Variants in LRRC37A2 observed in about 807,000 individuals in gnomAD.
LRRC37A2 encodes the protein leucine-rich repeat-containing protein 37A2.
Under a neutral mutation model 68.8 loss-of-function variants are expected in LRRC37A2, and 9 were observed. The ratio of observed to expected loss-of-function variants is 0.13; its 90% CI spans 0.08 to 0.23. LRRC37A2 has a LOEUF of 0.23. Ranked by LOEUF, LRRC37A2 falls within the 10% of genes least tolerant of loss-of-function variation. The probability of loss-of-function intolerance (pLI) is 1.00; values close to 1 mark genes in which losing one functional copy is unlikely to be tolerated. For synonymous variants in LRRC37A2, 63 were observed against 367.6 expected, an observed-to-expected ratio of 0.17 and a Z score of 9.48; for missense variants, 168 against 950.4, an observed-to-expected ratio of 0.18 and a Z score of 10.82.
the LRRC37A2 span, among the ~76,000 whole-genome samples, chr17:46,866,900 G>A: frequency 1.3e-5 from 2 of 152,192 alleles, no homozygotes; most frequent in African/African-American, 2.4e-5. Context: ...CTTAGGTGAT[G>A]AGAAAAGCTC....
the LRRC37A2 span, among the ~76,000 whole-genome samples, chr17:46,718,739 A>C: frequency 6.6e-6 from 1 of 152,232 alleles, no homozygotes; most frequent in Non-Finnish European, 1.5e-5. Context: ...AAATGAAGAT[A>C]ATATTAATAG....
the LRRC37A2 span, among the ~76,000 whole-genome samples, chr17:46,635,821 TC>T: frequency 6.6e-5 from 2 of 30,232 alleles, no homozygotes; most frequent in South Asian, 1.2e-3. Flanking sequence ...GTGTGTGTGC[TC>T]GTGTGTGAAG....
At chr17:46,857,417 G>A in the LRRC37A2 span, among the ~76,000 whole-genome samples, 1 of 148,404 alleles carries the variant, frequency 6.7e-6, no homozygotes, top group South Asian at 2.1e-4. Context: ...AGAGGTTGCA[G>A]TGAGCCAAGA....
At chr17:46,916,748 C>G in the LRRC37A2 span, 1 of 152,228 alleles carries the variant, frequency 6.6e-6, no homozygotes, top group African/African-American at 2.4e-5. Flanking sequence ...TAGAATACCA[C>G]ACACTGGGTA....
the LRRC37A2 span, chr17:46,818,677 A>T: frequency 7.5e-7 from 1 of 1,337,130 alleles, no homozygotes; most frequent in Non-Finnish European, 1.1e-6. Flanking sequence ...AACAAAGTCC[A>T]CTTGAGATTG....
chr17:46,910,772 G>A, the LRRC37A2 span, among the ~76,000 whole-genome samples: 1 of 152,216 alleles, frequency 6.6e-6, no homozygotes, highest in Non-Finnish European at 1.5e-5. Context: ...CAGGGAGCCA[G>A]CAAAGGCACA....
chr17:46,822,918 A>C, the LRRC37A2 span, among the ~76,000 whole-genome samples: 2 of 151,440 alleles, frequency 1.3e-5, no homozygotes, highest in Non-Finnish European at 2.9e-5. Context: ...CGCTGTGGGC[A>C]CCTGAGAGGT....
At chr17:46,735,838 G>A in the LRRC37A2 span, among the ~76,000 whole-genome samples, 1 of 152,072 alleles carries the variant, frequency 6.6e-6, no homozygotes, top group East Asian at 1.9e-4. Context: ...CCAGCGACTC[G>A]GGAAGCTGAG....
the LRRC37A2 span, among the ~76,000 whole-genome samples, chr17:46,791,219 T>C: frequency 6.7e-6 from 1 of 149,206 alleles, no homozygotes; most frequent in African/African-American, 2.5e-5. Flanking sequence ...TCCTTACTCT[T>C]TTTTTTTTTT....
the LRRC37A2 span, among the ~76,000 whole-genome samples, chr17:46,792,282 T>C: frequency 6.6e-6 from 1 of 152,084 alleles, no homozygotes; most frequent in Non-Finnish European, 1.5e-5. Flanking sequence ...GAGCACCTTT[T>C]TGGGGACACT....
At chr17:47,002,313 G>A in the LRRC37A2 span, among the ~76,000 whole-genome samples, 1 of 151,968 alleles carries the variant, frequency 6.6e-6, no homozygotes, top group Non-Finnish European at 1.5e-5. Flanking sequence ...GGAAAGTGGG[G>A]TATCCAGCCC....
the LRRC37A2 span, among the ~76,000 whole-genome samples, chr17:46,989,993 C>T: frequency 2.6e-5 from 4 of 152,168 alleles, no homozygotes; most frequent in Non-Finnish European, 5.9e-5. Flanking sequence ...TAAGCCATTC[C>T]GTTTTGGGGT....
At chr17:46,829,534 C>G in the LRRC37A2 span, among the ~76,000 whole-genome samples, 3 of 152,174 alleles carry the variant, frequency 2.0e-5, no homozygotes, top group Non-Finnish European at 4.4e-5. Flanking sequence ...CCCCTCTGCC[C>G]TTCATTCTCA....
chr17:46,491,115 T>A, the LRRC37A2 span, among the ~76,000 whole-genome samples: 2 of 150,910 alleles, frequency 1.3e-5, no homozygotes, highest in African/African-American at 5.0e-5. Context: ...CAGGCTGGTG[T>A]CGAACTCCTG....
chr17:46,872,554 T>C, the LRRC37A2 span: 1 of 1,582,742 alleles, frequency 6.3e-7, no homozygotes, highest in Non-Finnish European at 8.6e-7. Context: ...CTTCCCAGGA[T>C]TGGGCACTGC....
the LRRC37A2 span, among the ~76,000 whole-genome samples, chr17:46,767,366 G>T: frequency 1.3e-5 from 2 of 152,146 alleles, no homozygotes; most frequent in Non-Finnish European, 2.9e-5. Flanking sequence ...GATCTGTCAG[G>T]ATATGGGCTT....
At chr17:47,023,983 G>A in the LRRC37A2 span, among the ~76,000 whole-genome samples, 1 of 152,206 alleles carries the variant, frequency 6.6e-6, no homozygotes, top group Non-Finnish European at 1.5e-5. Flanking sequence ...TGATTGGAAA[G>A]GGGCACACTG....
chr17:46,877,872 T>C, the LRRC37A2 span, among the ~76,000 whole-genome samples: 1 of 152,206 alleles, frequency 6.6e-6, no homozygotes, highest in Non-Finnish European at 1.5e-5. Context: ...GGCTCCTGGG[T>C]AGCCTCCTTC....
At chr17:46,855,566 G>T in the LRRC37A2 span, among the ~76,000 whole-genome samples, 2 of 152,218 alleles carry the variant, frequency 1.3e-5, no homozygotes, top group Non-Finnish European at 2.9e-5. Flanking sequence ...TAGGATTGCT[G>T]AAGAGTTTTT....
Sources: allele counts gnomAD v4.1 joint callset (sites outside exome capture counted in the v4.1 genomes callset), GRCh38; gene constraint gnomAD v4.1.1; transcripts MANE v1.5; gene names NCBI Gene and HGNC (gene_info 2026-07-23, HGNC 2026-07-21).